Variants in CERS6 observed in about 807,000 individuals in gnomAD.
CERS6 encodes the protein ceramide synthase 6.
A neutral mutation model predicts 56.8 loss-of-function variants in CERS6; 26 were observed. The ratio of observed to expected loss-of-function variants is 0.46; its 90% CI spans 0.34 to 0.63. CERS6 has a LOEUF of 0.63. Ranked by LOEUF, CERS6 falls within the 30% of genes least tolerant of loss-of-function variation. The pLI is 0.01. For synonymous variants in CERS6, 164 were observed against 173.3 expected (o/e 0.95, Z 0.42); for missense variants, 415 against 467.5 (o/e 0.89, Z 1.04).
chr2:168,481,760 T>A (rs1254172183), intron 1 of CERS6, among the ~76,000 whole-genome samples: 1 of 152,220 alleles, frequency 6.6e-6, no homozygotes, highest in Non-Finnish European at 1.5e-5. Flanking sequence ...ACCAGTTGTT[T>A]CTCCCAAATG....
rs1684940959 is a variant in CERS6 at position 168,774,251 on chromosome 2, A to C, written c.*4589A>C. ...AAAGGGATGTGAGGGGACCGTTAAG[A>C]TCTGTCTTGCTTATCTCATGCACTC... On this transcript the variant is annotated 3_prime_UTR_variant, in exon 10 of 10. Transcript: ENST00000305747. 6.6e-6 allele frequency: 1 copy of C among 152,152 alleles called. No individual in the cohort carries two copies. Among genetic ancestry groups the C allele is most frequent in the African/African-American group, 2.4e-5 (1 of 41,414 alleles). The allele number at this position is 152,152 out of a possible 1,614,324, so 9.4% of individuals were successfully genotyped here. A position where few individuals can be genotyped will look rare whatever the true frequency, so the allele number is the denominator to read the frequency against.
chr2:168,766,751 T>C (rs1478456142), intron 9 of CERS6, among the ~76,000 whole-genome samples: 2 of 152,186 alleles, frequency 1.3e-5, no homozygotes, highest in Non-Finnish European at 2.9e-5. Context: ...GGCCTGAGCA[T>C]CAGCTGTGGG....
chr2:168,511,954 A>G (rs202165931), intron 1 of CERS6, among the ~76,000 whole-genome samples: 7 of 127,718 alleles, frequency 5.5e-5, no homozygotes, highest in African/African-American at 1.2e-4. Context: ...GCACGTGCAC[A>G]CACACACACA....
At chr2:168,611,796 A>G (rs559715507) in intron 3 of CERS6, among the ~76,000 whole-genome samples, 1 of 152,258 alleles carries the variant, frequency 6.6e-6, no homozygotes, top group South Asian at 2.1e-4. Context: ...ATCCTGACAC[A>G]TAAATTTAAC....
At chr2:168,723,874 T>C (rs1223487219) in intron 8 of CERS6, among the ~76,000 whole-genome samples, 2 of 152,242 alleles carry the variant, frequency 1.3e-5, no homozygotes, top group African/African-American at 2.4e-5. Context: ...ATTACATATC[T>C]TTTTGCTAAA....
chr2:168,584,061 A>G lies in CERS6; in HGVS notation c.407+22739A>G, dbSNP rs181486132. 1.7e-4 allele frequency among the ~76,000 whole-genome samples: 26 copies of G among 152,340 alleles called. No homozygotes were observed. The East Asian group carries it at 4.1e-3, about 24-fold the overall frequency. The stretch of plus-strand genomic sequence containing the variant: ...TACCCTAATTTTCAAAAGGTTAAGC[A>G]GTTTACCCACGATAGGTAGTGAGAG... On this transcript the variant is annotated intron_variant, in intron 3 of 9. Coordinates refer to ENST00000305747, the MANE Select transcript of CERS6 (RefSeq NM_203463.3).
chr2:168,698,352 A>C (rs1275752556), intron 6 of CERS6, among the ~76,000 whole-genome samples: 3 of 151,606 alleles, frequency 2.0e-5, no homozygotes, highest in Non-Finnish European at 4.4e-5. Context: ...TAGGCTGTGC[A>C]GGAAGCATGA....
At chr2:168,760,520 C>A (rs1359163017) in intron 8 of CERS6, among the ~76,000 whole-genome samples, 1 of 152,126 alleles carries the variant, frequency 6.6e-6, no homozygotes, top group Admixed American at 6.5e-5. Context: ...ATCCTTCAAT[C>A]CAATCAAGTT....
chr2:168,542,893 C>T (rs186229161), intron 1 of CERS6, among the ~76,000 whole-genome samples: 2 of 152,162 alleles, frequency 1.3e-5, no homozygotes, highest in Admixed American at 6.5e-5. Context: ...GATGGGGTTT[C>T]ACCATGTTGG....
chr2:168,576,232 A>G (rs993740961), intron 3 of CERS6, among the ~76,000 whole-genome samples: 2 of 152,110 alleles, frequency 1.3e-5, no homozygotes, highest in African/African-American at 4.8e-5. Flanking sequence ...TGCCCCTTTA[A>G]TAGTAATGGC....
Position 168,559,557 on chromosome 2 carries a change from T to C in CERS6, c.277-1635T>C, listed in dbSNP as rs190924957. 4.1e-4 allele frequency among the ~76,000 whole-genome samples: 62 copies of C among 151,514 alleles called. No individual in the cohort carries two copies. In the East Asian group the frequency reaches 7.0e-3, roughly 17 times the overall value. On this transcript the variant is annotated intron_variant, in intron 2 of 9. Coordinates refer to ENST00000305747, the MANE Select transcript of CERS6 (RefSeq NM_203463.3). ...GCAAGCTCTCTAGTGTCTCTTCTAATAACTTCTAATCTAATCCGAGAGGTT... is the reference window on the plus strand; with the variant it reads ...GCAAGCTCTCTAGTGTCTCTTCTAACAACTTCTAATCTAATCCGAGAGGTT...
intron 1 of CERS6, among the ~76,000 whole-genome samples, chr2:168,459,118 A>G (rs557093367): frequency 6.6e-6 from 1 of 152,378 alleles, no homozygotes; most frequent in South Asian, 2.1e-4. Flanking sequence ...CTTTTGTAAT[A>G]GGAATAATTC....
At chr2:168,744,001 T>C (rs1243345055) in intron 8 of CERS6, among the ~76,000 whole-genome samples, 9 of 129,988 alleles carry the variant, frequency 6.9e-5, no homozygotes, top group East Asian at 2.1e-4. Flanking sequence ...TTTTCTTTTT[T>C]TTTTTTTTTT....
At chr2:168,623,031 C>T (rs903385987) in intron 3 of CERS6, among the ~76,000 whole-genome samples, 1 of 152,144 alleles carries the variant, frequency 6.6e-6, no homozygotes, top group Admixed American at 6.5e-5. Flanking sequence ...TTTGCTTCCT[C>T]CCCAGTTGAT....
At chr2:168,628,650 G>C (rs912874490) in intron 3 of CERS6, among the ~76,000 whole-genome samples, 23 of 152,154 alleles carry the variant, frequency 1.5e-4, no homozygotes, top group Admixed American at 1.3e-4. Flanking sequence ...AGAAATGTAC[G>C]TAATCATTTG....
chr2:168,763,324 C>T (rs1488376977), intron 8 of CERS6, among the ~76,000 whole-genome samples: 1 of 150,532 alleles, frequency 6.6e-6, no homozygotes, highest in African/African-American at 2.5e-5. Context: ...TCACTGCAAC[C>T]TCTGCCTACT....
intron 3 of CERS6, among the ~76,000 whole-genome samples, chr2:168,605,868 T>C (rs1336965024): frequency 1.3e-5 from 2 of 152,216 alleles, no homozygotes; most frequent in East Asian, 3.9e-4. Context: ...AAAGCCTGGA[T>C]GTCCAGGCAG....
chr2:168,694,508 T>C (rs1444691111), intron 5 of CERS6, among the ~76,000 whole-genome samples: 1 of 152,198 alleles, frequency 6.6e-6, no homozygotes, highest in African/African-American at 2.4e-5. Context: ...AAAAGAGCTT[T>C]CTGATTAATG....
chr2:168,646,986 T>G (rs1384906476), intron 4 of CERS6, among the ~76,000 whole-genome samples: 1 of 152,234 alleles, frequency 6.6e-6, no homozygotes, highest in African/African-American at 2.4e-5. Flanking sequence ...GCTTTGTTCT[T>G]TTTGCTTAGG....
Sources: gnomAD v4.1 joint callset for allele counts (sites outside exome capture counted in the v4.1 genomes callset) on GRCh38, gnomAD v4.1.1 for gene constraint, MANE v1.5 for transcripts, NCBI Gene and HGNC (gene_info 2026-07-23, HGNC 2026-07-21) for gene names.